The following MICAL2 variants were observed in gnomAD, a reference collection of about 807,000 sequenced individuals.
MICAL2 encodes the protein microtubule associated monooxygenase, calponin and LIM domain containing 2.
A neutral mutation model predicts 127.3 loss-of-function variants in MICAL2; 77 were observed. That is an observed-to-expected ratio of 0.60 (90% CI 0.50 to 0.73). The LOEUF (loss-of-function observed/expected upper bound fraction) is 0.73. Among genes scored for constraint, MICAL2 ranks in the 30% least tolerant of loss-of-function variants. MICAL2 has a pLI of 0.00. For synonymous variants in MICAL2, 570 were observed against 551.1 expected, an observed-to-expected ratio of 1.03 and a Z score of -0.48; for missense variants, 1,351 against 1,434.4, an observed-to-expected ratio of 0.94 and a Z score of 0.94.
rs894605868 is a variant in MICAL2 at position 12,142,121 on chromosome 11, T to A, written c.-78+3661T>A. On this transcript the variant is annotated intron_variant, in intron 2 of 27. Transcript: ENST00000683283. Reference sequence around the variant, plus strand: ...TCTGCAGTTCCATGTTGCCTCCTCATGTGGGTTCAGCCACCGTGCCTTCCT... The same window carrying A: ...TCTGCAGTTCCATGTTGCCTCCTCAAGTGGGTTCAGCCACCGTGCCTTCCT... Among the ~76,000 whole-genome samples the A allele has an allele frequency of 3.9e-5, 6 of 152,312 alleles. No individual in the cohort carries two copies. The East Asian group carries it at 1.2e-3, about 29-fold the overall frequency.
chr11:12,175,283 C>A (rs931123649), intron 3 of MICAL2, among the ~76,000 whole-genome samples: 2 of 152,106 alleles, frequency 1.3e-5, no homozygotes, highest in Non-Finnish European at 2.9e-5. Context: ...CGAGACCAGC[C>A]TGGCCAACAT....
At chr11:12,124,935 G>A (rs552178027) in intron 1 of MICAL2, among the ~76,000 whole-genome samples, 1 of 152,304 alleles carries the variant, frequency 6.6e-6, no homozygotes, top group South Asian at 2.1e-4. Context: ...GTGTCCTTCT[G>A]GTCACTAACC....
intron 3 of MICAL2, among the ~76,000 whole-genome samples, chr11:12,187,480 G>T (rs1175742902): frequency 2.0e-5 from 3 of 152,196 alleles, no homozygotes; most frequent in African/African-American, 7.2e-5. Context: ...GACTGAATGC[G>T]TCCAGACAGC....
rs149569678 is a variant in MICAL2 at position 12,134,581 on chromosome 11, G to A, written c.-148-3809G>A. Among the ~76,000 whole-genome samples the A allele has an allele frequency of 6.9e-4, 105 of 152,312 alleles. 1 individual carries two copies. The highest frequency in any genetic ancestry group is 2.4e-3 in the African/African-American group (98 of 41,568). On this transcript the variant is annotated intron_variant, in intron 1 of 27. Coordinates refer to ENST00000683283, the MANE Select transcript of MICAL2 (RefSeq NM_001282663.2). ...CTTGGCTTCCTGGGTCTCACTGGGT[G>A]TGCAGCTGGCTTTTCTTCCTGGGTG...
At chr11:12,172,357 A>T (rs1176609537) in intron 3 of MICAL2, among the ~76,000 whole-genome samples, 1 of 152,184 alleles carries the variant, frequency 6.6e-6, no homozygotes, top group Non-Finnish European at 1.5e-5. Flanking sequence ...GATGCTTAGT[A>T]GGTGTTTGGA....
chr11:12,189,475 G>T lies in MICAL2; in HGVS notation c.265-14775G>T, dbSNP rs543911603. On this transcript the variant is annotated intron_variant, in intron 3 of 27. Transcript: ENST00000683283. ...AATGATAGATATCCTTTTCCCGTTGGTACATGGGTAGGATCAGGTATTACA... is the reference window on the plus strand; with the variant it reads ...AATGATAGATATCCTTTTCCCGTTGTTACATGGGTAGGATCAGGTATTACA... Among the ~76,000 whole-genome samples, 100 of 152,250 alleles carry T rather than the reference G, an allele frequency of 6.6e-4. 1 individual carries two copies. The highest frequency in any genetic ancestry group is 2.3e-3 in the African/African-American group (95 of 41,554).
At chr11:12,313,811 T>A (rs1864201287) in intron 29 of MICAL2, among the ~76,000 whole-genome samples, 1 of 152,092 alleles carries the variant, frequency 6.6e-6, no homozygotes, top group Non-Finnish European at 1.5e-5. Flanking sequence ...TCTTTCTAGT[T>A]AAGTAAGTTT....
chr11:12,231,904 G>GT (rs1565211972), intron 15 of MICAL2, among the ~76,000 whole-genome samples: 1 of 152,186 alleles, frequency 6.6e-6, no homozygotes, highest in Non-Finnish European at 1.5e-5. Flanking sequence ...ATTCAGAGCT[G>GT]ATTTACAGAT....
At chr11:12,315,940 A>G (rs1864227273) in intron 29 of MICAL2, among the ~76,000 whole-genome samples, 1 of 152,136 alleles carries the variant, frequency 6.6e-6, no homozygotes, top group African/African-American at 2.4e-5. Context: ...TTAATCAAGC[A>G]CGTCTGTATT....
intron 3 of MICAL2, among the ~76,000 whole-genome samples, chr11:12,192,787 A>G (rs952199254): frequency 6.6e-6 from 1 of 152,104 alleles, no homozygotes; most frequent in African/African-American, 2.4e-5. Flanking sequence ...TAAAAAATAA[A>G]ATAAAGGATT....
At chr11:12,309,692 A>G (rs954896984) in intron 29 of MICAL2, among the ~76,000 whole-genome samples, 2 of 152,164 alleles carry the variant, frequency 1.3e-5, no homozygotes, top group Admixed American at 1.3e-4. Flanking sequence ...TATACTCAGC[A>G]GTAGGCCTGC....
chr11:12,342,532 A>G (rs1938883357), intron 32 of MICAL2, among the ~76,000 whole-genome samples: 1 of 152,234 alleles, frequency 6.6e-6, no homozygotes, highest in East Asian at 1.9e-4. Flanking sequence ...AAAATAATCC[A>G]TATTGAACTA....
Position 12,227,102 on chromosome 11 carries a change from C to A in MICAL2, c.1966C>A (p.Leu656Ile). 6.2e-7 allele frequency: 1 copy of A among 1,613,960 alleles called. No individual in the cohort carries two copies. Among genetic ancestry groups the A allele is most frequent in the Non-Finnish European group, 8.5e-7 (1 of 1,179,854 alleles). Residue 656 changes from leucine (L) to isoleucine (I), a missense_variant, in exon 15 of 28, where the codon CTC (leucine) becomes ATC (isoleucine). Physicochemically the swap from Leu to Ile is conservative, Grantham distance 5. Around this residue, in one of 2 missense-constraint regions of MICAL2, gnomAD observed 752 missense variants for 719.4 expected, o/e 1.05. Transcript: ENST00000683283. ...ATCCATTTCTAATAACTATCTCAAC[C>A]TCACATTTCCAAGGAAGAGGACTCC... is the stretch of plus-strand genomic sequence containing the variant. ...KSSISNNYLN[L>I]TFPRKRTPRV...
chr11:12,275,961 C>T, upstream of MICAL2: 1 of 399,386 alleles, frequency 2.5e-6, no homozygotes, highest in Non-Finnish European at 4.4e-6. Context: ...CACCATCTCT[C>T]TAGACCCTGC....
chr11:12,122,264 A>G (rs1027119579), intron 1 of MICAL2, among the ~76,000 whole-genome samples: 1 of 152,212 alleles, frequency 6.6e-6, no homozygotes, highest in Non-Finnish European at 1.5e-5. Context: ...GGTGCCTGGC[A>G]CATAGTGGCC....
chr11:12,178,270 CA>C (rs550938155), intron 3 of MICAL2, among the ~76,000 whole-genome samples: 155 of 152,156 alleles, frequency 1.0e-3, no homozygotes, highest in African/African-American at 3.7e-3. Flanking sequence ...AAACAAAGAA[CA>C]AAAAAACCCC....
downstream of MICAL2, among the ~76,000 whole-genome samples, chr11:12,360,107 CCTT>C (rs1565315764): frequency 1.1e-4 from 5 of 44,206 alleles, no homozygotes; most frequent in Admixed American, 3.9e-4. Context: ...TTCCTTCCTT[CCTT>C]TTTTTTTTTA....
intron 4 of MICAL2, among the ~76,000 whole-genome samples, chr11:12,205,801 C>T (rs903823695): frequency 1.7e-4 from 26 of 152,200 alleles, no homozygotes; most frequent in Non-Finnish European, 2.8e-4. Context: ...AAACACATTG[C>T]ATCCCATGCT....
At chr11:12,290,442 T>A (rs1863883228), downstream of MICAL2, among the ~76,000 whole-genome samples, 1 of 151,848 alleles carries the variant, frequency 6.6e-6, no homozygotes, top group African/African-American at 2.4e-5. Flanking sequence ...TGAGGGGACT[T>A]GAGGCAAGTG....
Sources: allele counts gnomAD v4.1 joint callset (sites outside exome capture counted in the v4.1 genomes callset), GRCh38; gene constraint gnomAD v4.1.1; regional missense constraint gnomAD v4.1.1; transcripts MANE v1.5; gene names NCBI Gene and HGNC (gene_info 2026-07-23, HGNC 2026-07-21).